SPTLC1: variants seen among roughly 807,000 people sequenced by gnomAD.
SPTLC1 encodes serine palmitoyltransferase 1.
In SPTLC1, 55 loss-of-function variants were observed where a neutral mutation model predicts 68.9. The observed-to-expected ratio is 0.80, with a 90% confidence interval of 0.64 to 1.00. The LOEUF (loss-of-function observed/expected upper bound fraction) is 1.00. SPTLC1 is among the 50% of genes least tolerant of loss of function. The pLI, the probability that SPTLC1 is intolerant of heterozygous loss-of-function variation, is 0.00. For missense variants in SPTLC1, 449 were observed against 573.1 expected, an observed-to-expected ratio of 0.78 and a Z score of 2.21; for synonymous variants, 197 against 201.6, an observed-to-expected ratio of 0.98 and a Z score of 0.19.
chr9:92,104,340 G>C lies in SPTLC1; in HGVS notation c.260+4400C>G, dbSNP rs919950623. On this transcript the variant is annotated intron_variant, in intron 3 of 14. Transcript: ENST00000262554. ...CGGCTCCTGCACCTGTGCCTGCCCC[G>C]GGAATCTGGGGCCGTTTCCCACTCC... The C allele has an allele frequency of 5.0e-6, 7 of 1,389,162 alleles. No individual in the cohort carries two copies. The African/African-American group carries it at 1.0e-4, about 20-fold the overall frequency. 86.1% of individuals were successfully genotyped at this position (1,389,162 alleles called of 1,614,324 possible). A position where few individuals can be genotyped will look rare whatever the true frequency, so the allele number is the denominator to read the frequency against.
intron 3 of SPTLC1, among the ~76,000 whole-genome samples, chr9:92,091,952 C>T (rs533868299): frequency 1.3e-5 from 2 of 152,206 alleles, no homozygotes; most frequent in African/African-American, 2.4e-5. Flanking sequence ...ACATTCAAAA[C>T]GATGTAAAAA....
Position 92,049,975 on chromosome 9 carries a change from T to C in SPTLC1, c.873A>G (p.Glu291=). Residue 291 remains glutamate (E), a synonymous_variant, in exon 9 of 15, where the codon GAA becomes GAG. Transcript: ENST00000262554. ...VLGEHGRGVT[E]HYGINIDDID... ...GGGAACTTACATTGATTCCATAGTGTTCAGTGACTCCTCGGCCATGCTCTC... is the reference window on the plus strand; with the variant it reads ...GGGAACTTACATTGATTCCATAGTGCTCAGTGACTCCTCGGCCATGCTCTC... 1 of 1,610,496 alleles carries C rather than the reference T, an allele frequency of 6.2e-7. No homozygotes were observed. The highest frequency in any genetic ancestry group is 1.1e-5 in the South Asian group (1 of 91,020).
At chr9:92,064,229 T>C (rs1390952676) in intron 6 of SPTLC1, among the ~76,000 whole-genome samples, 3 of 152,070 alleles carry the variant, frequency 2.0e-5, no homozygotes, top group South Asian at 2.1e-4. Context: ...TCAAAATTTG[T>C]ATTTGCAAAC....
At chr9:92,067,458 C>T (rs1052221802) in intron 6 of SPTLC1, among the ~76,000 whole-genome samples, 1 of 152,208 alleles carries the variant, frequency 6.6e-6, no homozygotes, top group Admixed American at 6.5e-5. Context: ...TTGGCTGTAC[C>T]CTGCCCTTCA....
At position 92,060,581 on chromosome 9, in the gene SPTLC1, AAGGATCAGTGAACTGAGACAAGCAAT is replaced by A. The variant is rs1285676602; in HGVS notation, c.561-1299_561-1274del. ...CTCAGCAGCAGAATGGAGGCAGAGGAAGGATCAGTGAACTGAGACAAGCAATAGAAATTATTCACTGACAGCCGGGC... is the reference window on the plus strand; with the variant it reads ...CTCAGCAGCAGAATGGAGGCAGAGGAAGAAATTATTCACTGACAGCCGGGC... On this transcript the variant is annotated intron_variant, in intron 6 of 14. Coordinates refer to ENST00000262554, the MANE Select transcript of SPTLC1 (RefSeq NM_006415.4). Among the ~76,000 whole-genome samples the A allele has an allele frequency of 5.9e-5, 9 of 152,268 alleles. No homozygotes were observed. In the South Asian group the frequency reaches 1.9e-3, roughly 32 times the overall value.
Position 92,066,893 on chromosome 9 carries a change from T to C in SPTLC1, c.560+1073A>G, listed in dbSNP as rs1247145234. 3.3e-5 allele frequency among the ~76,000 whole-genome samples: 5 copies of C among 152,072 alleles called. No individual in the cohort carries two copies. In the East Asian group the frequency reaches 9.7e-4, roughly 30 times the overall value. ...TACTTGAGAGGCTGAGGTAAGAGAA[T>C]TGCTTGAACCCGGGAGGCGGAGCTT... On this transcript the variant is annotated intron_variant, in intron 6 of 14. Transcript: ENST00000262554.
chr9:92,109,057 T>C, intron 2 of SPTLC1: 4 of 490,990 alleles, frequency 8.1e-6, no homozygotes, highest in Non-Finnish European at 1.1e-5. Flanking sequence ...TACCTAGCCC[T>C]TGACCACTAA....
At position 92,047,221 on chromosome 9, in the gene SPTLC1, CA is replaced by C. The variant is rs767542129; in HGVS notation, c.1031del (p.Leu344ArgfsTer2). 3.1e-6 allele frequency: 5 copies of C among 1,614,104 alleles called. No individual in the cohort carries two copies. The highest frequency in any genetic ancestry group is 3.4e-6 in the Non-Finnish European group (4 of 1,179,978). On this transcript the variant is annotated frameshift_variant, in exon 11 of 15. Transcript: ENST00000262554. LOFTEE classifies it high-confidence loss of function. The part of the protein sequence containing the change: ...GYCFSASLPP[L>X]LAAAAIEALN... ...GGGCCTCAATTGCTGCAGCAGCTAA[CA>C]GGGGAGGTAACGAAGCTGAAAAGCA...
intron 14 of SPTLC1, among the ~76,000 whole-genome samples, chr9:92,034,408 T>C (rs573777569): frequency 1.3e-5 from 2 of 152,398 alleles, no homozygotes; most frequent in African/African-American, 2.4e-5. Flanking sequence ...TGAGTGTTGC[T>C]GACTGAAGGA....
intron 3 of SPTLC1, among the ~76,000 whole-genome samples, chr9:92,084,062 G>A (rs1476545534): frequency 6.6e-6 from 1 of 151,856 alleles, no homozygotes; most frequent in African/African-American, 2.4e-5. Flanking sequence ...TGGTGTATAA[G>A]AATGCTTGTG....
chr9:92,048,704 T>C (rs148072439), intron 9 of SPTLC1, among the ~76,000 whole-genome samples: 3 of 152,306 alleles, frequency 2.0e-5, no homozygotes, highest in African/African-American at 7.2e-5. Context: ...CAAAACATAA[T>C]CACAAAACTA....
intron 9 of SPTLC1, among the ~76,000 whole-genome samples, chr9:92,049,069 A>G (rs1413040041): frequency 6.6e-6 from 1 of 152,010 alleles, no homozygotes; most frequent in African/African-American, 2.4e-5. Flanking sequence ...CATTTATTCC[A>G]TTTACCTCCT....
At chr9:92,038,136 C>T (rs1185170956) in intron 13 of SPTLC1, 112 bp downstream of exon 13, 3 of 806,978 alleles carry the variant, frequency 3.7e-6, no homozygotes, top group African/African-American at 3.4e-5. Flanking sequence ...TCCTTTCTAC[C>T]CTCTTCTCTC....
At chr9:92,105,137 T>C in intron 3 of SPTLC1, 1 of 1,533,888 alleles carries the variant, frequency 6.5e-7, no homozygotes, top group Admixed American at 2.0e-5. Flanking sequence ...AAGTAGGTCT[T>C]CTCCACCCAG....
At chr9:92,106,345 G>C (rs1835984535) in intron 3 of SPTLC1, among the ~76,000 whole-genome samples, 1 of 152,074 alleles carries the variant, frequency 6.6e-6, no homozygotes, top group Non-Finnish European at 1.5e-5. Flanking sequence ...ATGGTGGCTT[G>C]TGCCTGTAGT....
Position 92,031,592 on chromosome 9 carries a change from T to C in SPTLC1, c.*873A>G, listed in dbSNP as rs1432602332. 2 of 152,278 alleles carry C rather than the reference T, an allele frequency of 1.3e-5. No individual in the cohort carries two copies. The highest frequency in any genetic ancestry group is 4.8e-5 in the African/African-American group (2 of 41,446). 9.4% of individuals were successfully genotyped at this position (152,278 alleles called of 1,614,324 possible). On this transcript the variant is annotated 3_prime_UTR_variant, in exon 15 of 15. Transcript: ENST00000262554. ...TTTTCCTTGGCTTAGTAAAAGCCTG[T>C]AGTTACACGTCCCTAGGCAAACCCA... is the stretch of plus-strand genomic sequence containing the variant.
intron 6 of SPTLC1, among the ~76,000 whole-genome samples, chr9:92,059,891 C>CT (rs1834026886): frequency 6.6e-6 from 1 of 151,992 alleles, no homozygotes; most frequent in Non-Finnish European, 1.5e-5. Context: ...CAGGGAAGGC[C>CT]AAGTAGGAAG....
chr9:92,113,999 TGTGGTA>T (rs941304119), intron 1 of SPTLC1, among the ~76,000 whole-genome samples: 2 of 151,970 alleles, frequency 1.3e-5, no homozygotes, highest in Non-Finnish European at 2.9e-5. Context: ...TGCAGCTGGG[TGTGGTA>T]GCTCATGCCT....
intron 3 of SPTLC1, chr9:92,104,396 CT>C: frequency 1.4e-6 from 2 of 1,394,248 alleles, no homozygotes; most frequent in Non-Finnish European, 1.9e-6. Context: ...CTTGGGCCTT[CT>C]TTTCCAGTCA....
Sources: allele counts gnomAD v4.1 joint callset (sites outside exome capture counted in the v4.1 genomes callset), GRCh38; gene constraint gnomAD v4.1.1; transcripts MANE v1.5; gene names NCBI Gene and HGNC (gene_info 2026-07-23, HGNC 2026-07-21).